The following TNIP3 variants were observed in gnomAD, a reference collection of about 807,000 sequenced individuals.
TNIP3 encodes the protein TNFAIP3 interacting protein 3.
TNIP3 carries 34 observed loss-of-function variants against 54.1 expected under a neutral mutation model. The ratio of observed to expected loss-of-function variants is 0.63; its 90% CI spans 0.48 to 0.84. TNIP3 has a LOEUF of 0.84. Among genes scored for constraint, TNIP3 ranks in the 40% least tolerant of loss-of-function variants. The probability of loss-of-function intolerance (pLI) is 0.00; values close to 1 mark genes in which losing one functional copy is unlikely to be tolerated. For missense variants in TNIP3, 366 were observed against 387.6 expected (o/e 0.94, Z 0.47); for synonymous variants, 134 against 136.8 (o/e 0.98, Z 0.14).
At chr4:121,178,707 CTG>C (rs1724503859) in intron 3 of TNIP3, among the ~76,000 whole-genome samples, 1 of 152,172 alleles carries the variant, frequency 6.6e-6, no homozygotes, top group Non-Finnish European at 1.5e-5. Flanking sequence ...CCTGCAGACT[CTG>C]AGAACTATTT....
At chr4:121,222,808 T>A (rs1164263633) in intron 1 of TNIP3, among the ~76,000 whole-genome samples, 1 of 139,590 alleles carries the variant, frequency 7.2e-6, no homozygotes, top group Non-Finnish European at 1.5e-5. Flanking sequence ...TTGTGCGTTT[T>A]TTTTTTTTTT....
chr4:121,225,550 A>T lies in TNIP3; in HGVS notation c.3+1835T>A, dbSNP rs1015044006. Among the ~76,000 whole-genome samples, 3 of 152,248 alleles carry T rather than the reference A, an allele frequency of 2.0e-5. No individual in the cohort carries two copies. The South Asian group carries it at 6.2e-4, about 32-fold the overall frequency. On this transcript the variant is annotated intron_variant, in intron 1 of 12. Transcript: ENST00000509841. The stretch of plus-strand genomic sequence containing the variant: ...TCCAAACTGTCACAACTCCAAACAG[A>T]TGGGAGTACAACTATGAGTAATAGG...
rs1343725130 is a variant in TNIP3 at position 121,132,398 on chromosome 4, G to A, written c.*233C>T. On this transcript the variant is annotated 3_prime_UTR_variant, in exon 11 of 11. Coordinates refer to ENST00000057513, the MANE Select transcript of TNIP3 (RefSeq NM_024873.6). Reference sequence around the variant, plus strand: ...ATCCATCTGCCAAGTCTCATTTCAAGGAAACTGGAAGTTGTATTTGGTTGT... The same window carrying A: ...ATCCATCTGCCAAGTCTCATTTCAAAGAAACTGGAAGTTGTATTTGGTTGT... 1 of 449,426 alleles carries A rather than the reference G, an allele frequency of 2.2e-6. No individual in the cohort carries two copies. The highest frequency in any genetic ancestry group is 2.0e-5 in the African/African-American group (1 of 49,788). 27.8% of individuals were successfully genotyped at this position (449,426 alleles called of 1,614,324 possible). A position where few individuals can be genotyped will look rare whatever the true frequency, so the allele number is the denominator to read the frequency against.
At chr4:121,146,981 C>T (rs1729466978) in intron 7 of TNIP3, 68 bp downstream of exon 7, 4 of 1,531,782 alleles carry the variant, frequency 2.6e-6, no homozygotes, top group South Asian at 2.6e-5. Flanking sequence ...GTCCAAACGT[C>T]TTGAATTTTT....
chr4:121,213,695 T>C (rs546455957), intron 2 of TNIP3, among the ~76,000 whole-genome samples: 26 of 148,632 alleles, frequency 1.7e-4, no homozygotes, highest in Middle Eastern at 6.9e-3. Flanking sequence ...CCACTGCACT[T>C]CAGCCTGGGC....
intron 6 of TNIP3, among the ~76,000 whole-genome samples, chr4:121,147,754 TC>T (rs1271437040): frequency 2.6e-5 from 4 of 152,192 alleles, no homozygotes; most frequent in African/African-American, 4.8e-5. Flanking sequence ...GTAAAAACAT[TC>T]CTCTAAGATT....
At chr4:121,197,242 G>A (rs555253289) in intron 2 of TNIP3, among the ~76,000 whole-genome samples, 31 of 152,194 alleles carry the variant, frequency 2.0e-4, no homozygotes, top group Admixed American at 3.3e-4. Flanking sequence ...GAACACCTAA[G>A]TCCTGCCGGG....
rs537754381 is a variant in TNIP3, at chr4:121,173,363, A to G, written c.190-9217T>C. Among the ~76,000 whole-genome samples the G allele has an allele frequency of 3.3e-5, 5 of 152,328 alleles. No homozygotes were observed. The South Asian group carries it at 8.3e-4, about 25-fold the overall frequency. On this transcript the variant is annotated intron_variant, in intron 3 of 12. Coordinates refer to the TNIP3 transcript ENST00000507879. ...ATGGCATGCCTAGAGATTAATTTGC[A>G]TTTCCAAAATAGAAATTAGTGGTCA...
intron 2 of TNIP3, among the ~76,000 whole-genome samples, chr4:121,188,321 C>T (rs1725127486): frequency 6.6e-6 from 1 of 151,212 alleles, no homozygotes; most frequent in Non-Finnish European, 1.5e-5. Context: ...AAAAAAAAAA[C>T]TCTCCCCTAA....
chr4:121,220,714 G>A (rs1005111294), upstream of TNIP3, among the ~76,000 whole-genome samples: 2 of 152,078 alleles, frequency 1.3e-5, no homozygotes, highest in African/African-American at 2.4e-5. Flanking sequence ...CTGATCCTGG[G>A]TAAACGTACC....
rs1251622255 is a variant in TNIP3, at chr4:121,139,239, A to ATTTT, written c.886-556_886-555insAAAA. Among the ~76,000 whole-genome samples the ATTTT allele has an allele frequency of 2.6e-5, 4 of 152,290 alleles. No individual in the cohort carries two copies. In the South Asian group the frequency reaches 8.3e-4, roughly 32 times the overall value. Reference sequence around the variant, plus strand: ...CGATCCAGCAGAACCTATCCTCTAAATTGCTCATATAGTTTAGTCTACAGA... The same window carrying ATTTT: ...CGATCCAGCAGAACCTATCCTCTAAATTTTTTGCTCATATAGTTTAGTCTACAGA... On this transcript the variant is annotated intron_variant, in intron 9 of 10. Coordinates refer to ENST00000057513, the MANE Select transcript of TNIP3 (RefSeq NM_024873.6).
upstream of TNIP3, among the ~76,000 whole-genome samples, chr4:121,221,465 C>A (rs1021121281): frequency 1.3e-5 from 2 of 152,126 alleles, no homozygotes; most frequent in African/African-American, 2.4e-5. Context: ...CAGATAATTT[C>A]TATGCAAAAT....
At chr4:121,159,877 A>G (rs550332350) in intron 2 of TNIP3, among the ~76,000 whole-genome samples, 2 of 152,376 alleles carry the variant, frequency 1.3e-5, no homozygotes, top group African/African-American at 4.8e-5. Flanking sequence ...GAAGACAGTC[A>G]TAATGACTAA....
chr4:121,161,368 G>T, intron 1 of TNIP3, 152 bp from the exon 2 acceptor site: 1 of 631,016 alleles, frequency 1.6e-6, no homozygotes, highest in Admixed American at 3.2e-5. Context: ...CATACCCTAA[G>T]TCCTTCATCA....
At chr4:121,190,543 T>A (rs2148832255) in intron 2 of TNIP3, among the ~76,000 whole-genome samples, 1 of 152,252 alleles carries the variant, frequency 6.6e-6, no homozygotes, top group East Asian at 1.9e-4. Flanking sequence ...CCTCAGTAAA[T>A]CCTATTCTGG....
At chr4:121,172,374 C>T (rs1299911437) in intron 3 of TNIP3, among the ~76,000 whole-genome samples, 3 of 152,140 alleles carry the variant, frequency 2.0e-5, no homozygotes, top group Admixed American at 1.3e-4. Context: ...CCACATGACC[C>T]TAAGGACTAG....
At chr4:121,170,544 A>G (rs1355683676) in intron 3 of TNIP3, among the ~76,000 whole-genome samples, 1 of 152,138 alleles carries the variant, frequency 6.6e-6, no homozygotes, top group African/African-American at 2.4e-5. Flanking sequence ...TTTTGGTTAC[A>G]TGGTCAATAG....
At chr4:121,159,907 C>T (rs1730344323) in intron 2 of TNIP3, among the ~76,000 whole-genome samples, 1 of 152,140 alleles carries the variant, frequency 6.6e-6, no homozygotes, top group Non-Finnish European at 1.5e-5. Flanking sequence ...AAACTTTCTC[C>T]TAATTAAAAA....
chr4:121,145,742 T>C (rs1178702414), intron 7 of TNIP3, among the ~76,000 whole-genome samples: 1 of 151,878 alleles, frequency 6.6e-6, no homozygotes, highest in Non-Finnish European at 1.5e-5. Flanking sequence ...CAAATATTTT[T>C]TGTTCTAAAA....
Sources: gnomAD v4.1 joint callset for allele counts (sites outside exome capture counted in the v4.1 genomes callset) on GRCh38, gnomAD v4.1.1 for gene constraint, MANE v1.5 for transcripts, NCBI Gene and HGNC (gene_info 2026-07-23, HGNC 2026-07-21) for gene names.